The following PCDHGA3 variants were observed in gnomAD, a reference collection of about 807,000 sequenced individuals.
The protein encoded by PCDHGA3 is protocadherin gamma subfamily A, 3.
PCDHGA3 carries 40 observed loss-of-function variants against 58.5 expected under a neutral mutation model. That is an observed-to-expected ratio of 0.68 (90% CI 0.53 to 0.89). The LOEUF (loss-of-function observed/expected upper bound fraction) is 0.89, where lower values mean the gene tolerates loss of function less well. Among genes scored for constraint, PCDHGA3 ranks in the 40% least tolerant of loss-of-function variants. The pLI, the probability that PCDHGA3 is intolerant of heterozygous loss-of-function variation, is 0.00. For missense variants in PCDHGA3, 1,223 were observed against 1,195.9 expected, an observed-to-expected ratio of 1.02 and a Z score of -0.33; for synonymous variants, 530 against 525.7, an observed-to-expected ratio of 1.01 and a Z score of -0.11.
At chr5:141,478,603 A>C (rs116528962) in intron 1 of PCDHGA3, 173 of 1,563,096 alleles carry the variant, frequency 1.1e-4, no homozygotes, top group Non-Finnish European at 1.4e-4. Context: ...CCTACATCAT[A>C]TTGAGGAAGG....
At chr5:141,482,862 A>G (rs1169526338) in intron 1 of PCDHGA3, among the ~76,000 whole-genome samples, 1 of 152,180 alleles carries the variant, frequency 6.6e-6, no homozygotes, top group Non-Finnish European at 1.5e-5. Context: ...ACTTGAGGTC[A>G]GGAGTTTGAA....
intron 1 of PCDHGA3, chr5:141,389,691 T>G: frequency 6.2e-7 from 1 of 1,612,564 alleles, no homozygotes; most frequent in Non-Finnish European, 8.5e-7. Context: ...CGCCTGGCTG[T>G]CCTACCACGT....
rs61612330 is a variant in PCDHGA3 at position 141,454,796 on chromosome 5, A to ATTTTTTTTTT, written c.2425-39991_2425-39982dup. Among the ~76,000 whole-genome samples, 264 of 77,454 alleles carry ATTTTTTTTTT rather than the reference A, an allele frequency of 3.4e-3. 39 individuals carry two copies. Among genetic ancestry groups the ATTTTTTTTTT allele is most frequent in the African/African-American group, 0.012 (196 of 16,878 alleles). 50.8% of individuals were successfully genotyped at this position (77,454 alleles called of 152,430 possible). A position where few individuals can be genotyped will look rare whatever the true frequency, so the allele number is the denominator to read the frequency against. ...AAGGAAATAATCCTCCATGGTTCTA[A>ATTTTTTTTTT]TTTTTTTTTTTTTTTTTTTTTTTTT... On this transcript the variant is annotated intron_variant, in intron 1 of 3. Transcript: ENST00000253812.
At chr5:141,374,338 C>T in intron 1 of PCDHGA3, 1 of 1,613,994 alleles carries the variant, frequency 6.2e-7, no homozygotes, top group Non-Finnish European at 8.5e-7. Context: ...GCAGCTTGGT[C>T]ACCGCGGGTA....
In PCDHGA3 at chr5:141,360,423, C is replaced by A. The variant is rs760359468; in HGVS notation, c.2424+13966C>A. On this transcript the variant is annotated intron_variant, in intron 1 of 3. Coordinates refer to ENST00000253812, the MANE Select transcript of PCDHGA3 (RefSeq NM_018916.4). Reference sequence around the variant, plus strand: ...ACAGAATAGACCGAGAACAGATATGCGGGAAGCAGCCTCTGTGTGTTCTGG... The same window carrying A: ...ACAGAATAGACCGAGAACAGATATGAGGGAAGCAGCCTCTGTGTGTTCTGG... 1.4e-5 allele frequency: 23 copies of A among 1,613,790 alleles called. No individual in the cohort carries two copies. The Admixed American group carries it at 2.2e-4, about 15-fold the overall frequency.
At chr5:141,366,244 C>A in intron 1 of PCDHGA3, 1 of 1,613,770 alleles carries the variant, frequency 6.2e-7, no homozygotes, top group Non-Finnish European at 8.5e-7. Flanking sequence ...GAGACGCGCT[C>A]AAGCAGAGCC....
intron 1 of PCDHGA3, among the ~76,000 whole-genome samples, chr5:141,386,628 C>A (rs529516653): frequency 2.0e-5 from 3 of 151,780 alleles, no homozygotes; most frequent in Non-Finnish European, 4.4e-5. Flanking sequence ...CTCGCTCTGT[C>A]ACCCAGGCTG....
intron 2 of PCDHGA3, among the ~76,000 whole-genome samples, chr5:141,497,661 T>A (rs1485909952): frequency 3.3e-5 from 5 of 151,062 alleles, no homozygotes; most frequent in African/African-American, 4.9e-5. Context: ...TGCCTCAGCC[T>A]CCCGAGTAGC....
rs1757425274 is a variant in PCDHGA3, at chr5:141,344,483, C to A, written c.450C>A (p.Thr150=). ...IKIGELTVPG[T]RFPIKTAFDP... ...TTGGTGAACTAACGGTTCCTGGAACCCGATTTCCAATTAAAACTGCTTTTG... is the reference window on the plus strand; with the variant it reads ...TTGGTGAACTAACGGTTCCTGGAACACGATTTCCAATTAAAACTGCTTTTG... The change falls in exon 1 of 4, where the codon ACC becomes ACA. Residue 150 remains threonine, a synonymous_variant. Transcript: ENST00000253812. The A allele has an allele frequency of 6.2e-7, 1 of 1,613,722 alleles. No individual in the cohort carries two copies. Among genetic ancestry groups the A allele is most frequent in the Non-Finnish European group, 8.5e-7 (1 of 1,179,856 alleles).
chr5:141,421,741 C>A lies in PCDHGA3; in HGVS notation c.2425-73066C>A. 3 of 1,613,902 alleles carry A rather than the reference C, an allele frequency of 1.9e-6. No individual in the cohort carries two copies. The South Asian group carries it at 3.3e-5, about 18-fold the overall frequency. ...GGGCGTGAACTCCCTCCAGAGCTAC[C>A]AGCTCAGCCCTAATAATTACTTTTC... On this transcript the variant is annotated intron_variant, in intron 1 of 3. Transcript: ENST00000253812.
At chr5:141,458,594 G>T (rs1226490392) in intron 1 of PCDHGA3, among the ~76,000 whole-genome samples, 1 of 151,612 alleles carries the variant, frequency 6.6e-6, no homozygotes, top group Non-Finnish European at 1.5e-5. Context: ...TTTTGGAGAC[G>T]AGTCTCACTC....
chr5:141,431,265 G>A lies in PCDHGA3; in HGVS notation c.2425-63542G>A. 2 of 1,614,168 alleles carry A rather than the reference G, an allele frequency of 1.2e-6. No homozygotes were observed. On this transcript the variant is annotated intron_variant, in intron 1 of 3. Transcript: ENST00000253812. This position sits in a 1 kb window ranked among gnomAD's most constrained non-coding sequence, Gnocchi z 4.8. ...GATATCGGGAAGAACTCTCTGCAGA[G>A]CTACGAGCTCAGCCCGAACACTCAC...
chr5:141,470,452 G>A (rs981528762), intron 1 of PCDHGA3, among the ~76,000 whole-genome samples: 1 of 152,130 alleles, frequency 6.6e-6, no homozygotes, highest in Admixed American at 6.5e-5. Flanking sequence ...ATAGCATCTT[G>A]AATAGGATTT....
In PCDHGA3 at chr5:141,375,793, C is replaced by A. The variant is rs761231690; in HGVS notation, c.2424+29336C>A. 31 of 1,614,110 alleles carry A rather than the reference C, an allele frequency of 1.9e-5. No homozygotes were observed. The highest frequency in any genetic ancestry group is 2.5e-5 in the Non-Finnish European group (29 of 1,180,038). ...TCCTGTACCCCGCCCTCCCCACAGACGGTTCCACTGGCGTGGAGCTGGCGC... is the reference window on the plus strand; with the variant it reads ...TCCTGTACCCCGCCCTCCCCACAGAAGGTTCCACTGGCGTGGAGCTGGCGC... On this transcript the variant is annotated intron_variant, in intron 1 of 3. Coordinates refer to ENST00000253812, the MANE Select transcript of PCDHGA3 (RefSeq NM_018916.4).
intron 1 of PCDHGA3, chr5:141,355,947 A>C: frequency 1.2e-6 from 2 of 1,613,908 alleles, no homozygotes; most frequent in Non-Finnish European, 1.7e-6. Flanking sequence ...AGTACCACGT[A>C]AGTGTTCGTG....
chr5:141,432,686 G>A lies in PCDHGA3; in HGVS notation c.2425-62121G>A. On this transcript the variant is annotated intron_variant, in intron 1 of 3. Transcript: ENST00000253812. The surrounding 1 kb of genome is among the most constrained non-coding windows in gnomAD (Gnocchi z 6.0). The stretch of plus-strand genomic sequence containing the variant: ...CAGAGACGCGCTCAAGCAGAGCCTC[G>A]TAGTGGCCGTCCAGGACCACGGCCA... 2 of 1,613,922 alleles carry A rather than the reference G, an allele frequency of 1.2e-6. No homozygotes were observed. The highest frequency in any genetic ancestry group is 1.7e-5 in the Admixed American group (1 of 60,020).
intron 1 of PCDHGA3, chr5:141,376,127 G>T (rs1331529697): frequency 3.7e-6 from 6 of 1,613,710 alleles, no homozygotes; most frequent in Non-Finnish European, 5.1e-6. Flanking sequence ...CGAGCCCTCC[G>T]CCAAACCCAA....
intron 1 of PCDHGA3, chr5:141,426,795 C>G (rs1214340018): frequency 2.2e-6 from 1 of 456,700 alleles, no homozygotes. Context: ...GAGTTACCAG[C>G]TCAGTTCTAA....
chr5:141,477,814 G>C lies in PCDHGA3; in HGVS notation c.2425-16993G>C, dbSNP rs780195618. The C allele has an allele frequency of 1.2e-6, 2 of 1,614,110 alleles. No homozygotes were observed. The highest frequency in any genetic ancestry group is 1.1e-5 in the South Asian group (1 of 91,074). On this transcript the variant is annotated intron_variant, in intron 1 of 3. Coordinates refer to ENST00000253812, the MANE Select transcript of PCDHGA3 (RefSeq NM_018916.4). The surrounding 1 kb of genome is among the most constrained non-coding windows in gnomAD (Gnocchi z 4.9). ...CTGATCGCAATGACAATGCCCCCCA[G>C]GTCCTATATCCTCGGCCAGGTGGGA... is the stretch of plus-strand genomic sequence containing the variant.
Sources: allele counts gnomAD v4.1 joint callset (sites outside exome capture counted in the v4.1 genomes callset), GRCh38; gene constraint gnomAD v4.1.1; non-coding constraint Gnocchi (gnomAD v3.1); transcripts MANE v1.5; gene names NCBI Gene and HGNC (gene_info 2026-07-23, HGNC 2026-07-21).